TOGARAM1: variants seen among roughly 807,000 people sequenced by gnomAD.
TOGARAM1 encodes the protein TOG array regulator of axonemal microtubules 1.
Under a neutral mutation model 166.6 loss-of-function variants are expected in TOGARAM1, and 100 were observed. That is an observed-to-expected ratio of 0.60 (90% CI 0.51 to 0.71). The LOEUF is 0.71. Ranked by LOEUF, TOGARAM1 falls within the 30% of genes least tolerant of loss-of-function variation. The pLI, the probability that TOGARAM1 is intolerant of heterozygous loss-of-function variation, is 0.00. For synonymous variants in TOGARAM1, 758 were observed against 763.8 expected, an observed-to-expected ratio of 0.99 and a Z score of 0.13; for missense variants, 2,029 against 2,102.7, an observed-to-expected ratio of 0.96 and a Z score of 0.69.
At chr14:45,023,858 A>G (rs955530871) in intron 7 of TOGARAM1, among the ~76,000 whole-genome samples, 1 of 152,066 alleles carries the variant, frequency 6.6e-6, no homozygotes, top group African/African-American at 2.4e-5. Flanking sequence ...CTCCTGCCTC[A>G]GCCTCATGAG....
chr14:45,022,252 C>A (rs1174798633), intron 7 of TOGARAM1, among the ~76,000 whole-genome samples: 1 of 151,486 alleles, frequency 6.6e-6, no homozygotes, highest in Non-Finnish European at 1.5e-5. Flanking sequence ...ACCTCTTGGG[C>A]CTTTTCTGTC....
At chr14:45,053,870 A>ATATTAT (rs111579133) in intron 15 of TOGARAM1, among the ~76,000 whole-genome samples, 3,279 of 151,260 alleles carry the variant, frequency 0.022, 144 homozygotes, top group African/African-American at 0.076. Context: ...GAAATACAGC[A>ATATTAT]TATTATTATT....
At chr14:45,042,393 A>G (rs192082494) in intron 11 of TOGARAM1, 19 of 152,196 alleles carry the variant, frequency 1.2e-4, no homozygotes, top group Non-Finnish European at 2.6e-4. Flanking sequence ...AACCAGGCCT[A>G]TTGTTAAATC....
intron 1 of TOGARAM1, among the ~76,000 whole-genome samples, chr14:44,982,577 A>G (rs1168680591): frequency 6.6e-6 from 1 of 152,176 alleles, no homozygotes; most frequent in Non-Finnish European, 1.5e-5. Flanking sequence ...AGAGGAATTG[A>G]TTATTGGAAG....
intron 6 of TOGARAM1, among the ~76,000 whole-genome samples, chr14:45,010,475 T>C (rs1255155397): frequency 6.6e-6 from 1 of 152,244 alleles, no homozygotes; most frequent in African/African-American, 2.4e-5. Flanking sequence ...TCCATGAAGA[T>C]GAAAATTTAT....
chr14:44,977,438 G>A (rs916142887), intron 1 of TOGARAM1, among the ~76,000 whole-genome samples: 4 of 150,616 alleles, frequency 2.7e-5, no homozygotes, highest in South Asian at 2.1e-4. Flanking sequence ...GGGTTTCACC[G>A]TGTTAGCTGG....
In TOGARAM1 at chr14:44,999,384, C is replaced by G. The variant is rs771149357; in HGVS notation, c.2225C>G (p.Thr742Arg). 7 of 1,609,294 alleles carry G rather than the reference C, an allele frequency of 4.3e-6. No individual in the cohort carries two copies. The highest frequency in any genetic ancestry group is 1.6e-4 in the Middle Eastern group (1 of 6,064). ...CAAGTTGTHQ[T>R]NLSGKCAQLG... is the part of the protein sequence containing the mutation. The stretch of plus-strand genomic sequence containing the variant: ...AAAGGTACTACTGGGACTCATCAAA[C>G]AAATCTTTCTGGGAAATGTGCACAA... The change falls in exon 3 of 20, where the codon ACA becomes AGA. Residue 742 changes from threonine (T) to arginine (R), a missense_variant. Thr to Arg is a moderately conservative substitution (Grantham distance 71). Coordinates refer to ENST00000361462, the MANE Select transcript of TOGARAM1 (RefSeq NM_001308120.2).
intron 16 of TOGARAM1, among the ~76,000 whole-genome samples, chr14:45,059,699 A>G (rs999447673): frequency 6.6e-6 from 1 of 152,062 alleles, no homozygotes; most frequent in East Asian, 1.9e-4. Flanking sequence ...AACAAACACT[A>G]TTGAAAAATT....
Position 44,968,814 on chromosome 14 carries a change from G to A in TOGARAM1, c.2046+4347G>A, listed in dbSNP as rs149856079. ...TGTCTTATGTTCAGTACATTCTGTGGGGTTTTGACAAATGTATCCATGTCT... is the reference window on the plus strand; with the variant it reads ...TGTCTTATGTTCAGTACATTCTGTGAGGTTTTGACAAATGTATCCATGTCT... On this transcript the variant is annotated intron_variant, in intron 1 of 19. Transcript: ENST00000361462. Among the ~76,000 whole-genome samples, 13 of 152,200 alleles carry A rather than the reference G, an allele frequency of 8.5e-5. No homozygotes were observed. In the East Asian group the frequency reaches 2.1e-3, roughly 25 times the overall value.
chr14:45,055,664 C>A (rs553511557), intron 16 of TOGARAM1, among the ~76,000 whole-genome samples: 3 of 151,918 alleles, frequency 2.0e-5, no homozygotes, highest in Non-Finnish European at 4.4e-5. Context: ...ATTAGCCGGG[C>A]ATGGTGGAGG....
At position 45,045,555 on chromosome 14, in the gene TOGARAM1, A is replaced by G. The variant is rs1397312902; in HGVS notation, c.4154+685A>G. The stretch of plus-strand genomic sequence containing the variant: ...ATGGTCTGTGTGTGTATATATATAT[A>G]TATATATATATATATATATATATAT... On this transcript the variant is annotated intron_variant, in intron 13 of 19. Transcript: ENST00000361462. Among the ~76,000 whole-genome samples the G allele has an allele frequency of 2.1e-3, 64 of 30,558 alleles. 6 individuals are homozygous for G. The highest frequency in any genetic ancestry group is 9.8e-3 in the African/African-American group (51 of 5,224). 20.0% of individuals were successfully genotyped at this position (30,558 alleles called of 152,430 possible). A position where few individuals can be genotyped will look rare whatever the true frequency, so the allele number is the denominator to read the frequency against.
intron 13 of TOGARAM1, 38 bp from the exon 14 acceptor site, chr14:45,046,507 A>G (rs536291917): frequency 3.3e-4 from 419 of 1,262,914 alleles, no homozygotes; most frequent in Non-Finnish European, 3.7e-4. Flanking sequence ...AATAGTTTAT[A>G]TAACAACTCT....
chr14:44,996,066 A>T, intron 2 of TOGARAM1, 164 bp downstream of exon 2: 2 of 487,108 alleles, frequency 4.1e-6, no homozygotes, highest in Non-Finnish European at 3.4e-6. Context: ...TTATTATCTC[A>T]TAAAACCCTG....
At chr14:44,992,671 G>C (rs1342825403) in intron 1 of TOGARAM1, among the ~76,000 whole-genome samples, 1 of 136,016 alleles carries the variant, frequency 7.4e-6, no homozygotes, top group Non-Finnish European at 1.5e-5. Context: ...AGGCTGGAGT[G>C]CAGTGGCGCG....
intron 18 of TOGARAM1, 67 bp from the exon 19 acceptor site, chr14:45,071,645 A>C: frequency 9.6e-7 from 1 of 1,042,134 alleles, no homozygotes; most frequent in Non-Finnish European, 1.4e-6. Context: ...TTTCAATGCT[A>C]TGTAATGGAA....
rs527239038 is a variant in TOGARAM1 at position 45,008,977 on chromosome 14, G to A, written c.2969G>A (p.Ser990Asn). Residue 990 changes from serine to asparagine, a missense_variant, in exon 6 of 20, where the codon AGT (serine) becomes AAT (asparagine). Physicochemically the swap from Ser to Asn is conservative, Grantham distance 46. Around this residue, in one of 2 missense-constraint regions of TOGARAM1, gnomAD observed 1,453 missense variants for 1,432.2 expected, o/e 1.01. Coordinates refer to ENST00000361462, the MANE Select transcript of TOGARAM1 (RefSeq NM_001308120.2). ...AAGAAAAGAGCAAAACTGAGTGGCA[G>A]TACTTCAGATCTTGAAAGCCCTGAT... The part of the protein sequence containing the change: ...AAKKRAKLSG[S>N]TSDLESPDSA... The A allele has an allele frequency of 4.3e-6, 7 of 1,614,100 alleles. No individual in the cohort carries two copies. The East Asian group carries it at 1.3e-4, about 31-fold the overall frequency.
Position 45,044,685 on chromosome 14 carries a change from T to G in TOGARAM1, c.3969T>G (p.Ser1323Arg), listed in dbSNP as rs745465230. The G allele has an allele frequency of 1.2e-6, 2 of 1,614,116 alleles. No individual in the cohort carries two copies. The highest frequency in any genetic ancestry group is 1.7e-6 in the Non-Finnish European group (2 of 1,180,010). ...GVSRAAVVCL[S>R]DLFTYLKKSM... ...CTCGTGCTGCTGTGGTCTGTTTAAG[T>G]GATCTTTTCACTTATTTGAAAAAGA... is the stretch of plus-strand genomic sequence containing the variant. The change falls in exon 13 of 20, where the codon AGT (serine) becomes AGG (arginine). Residue 1323 changes from serine (S) to arginine (R), a missense_variant. Ser to Arg is a moderately radical substitution (Grantham distance 110). This residue lies in a region of TOGARAM1 where 576 missense variants were observed against 670.5 expected (regional missense o/e 0.86). Coordinates refer to ENST00000361462, the MANE Select transcript of TOGARAM1 (RefSeq NM_001308120.2).
chr14:45,067,014 C>T (rs888088001), intron 17 of TOGARAM1, among the ~76,000 whole-genome samples: 5 of 152,000 alleles, frequency 3.3e-5, no homozygotes, highest in African/African-American at 1.2e-4. Flanking sequence ...GTTTTATATA[C>T]CTTCTCTCTA....
chr14:44,966,509 A>G (rs1168408629), intron 1 of TOGARAM1, among the ~76,000 whole-genome samples: 5 of 152,122 alleles, frequency 3.3e-5, no homozygotes, highest in Non-Finnish European at 7.4e-5. Flanking sequence ...TTAATTACAA[A>G]AAGAGTAATT....
Sources: allele counts gnomAD v4.1 joint callset (sites outside exome capture counted in the v4.1 genomes callset), GRCh38; gene constraint gnomAD v4.1.1; regional missense constraint gnomAD v4.1.1; transcripts MANE v1.5; gene names NCBI Gene and HGNC (gene_info 2026-07-23, HGNC 2026-07-21).